Variants in WWOX observed in about 807,000 individuals in gnomAD.
The protein encoded by WWOX is WW domain containing oxidoreductase.
WWOX carries 69 observed loss-of-function variants against 46.2 expected under a neutral mutation model. That is an observed-to-expected ratio of 1.49 (90% CI 1.23 to 1.82). The LOEUF is 1.82. WWOX is among the 40% of genes most tolerant of loss of function. The pLI, the probability that WWOX is intolerant of heterozygous loss-of-function variation, is 0.00. For missense variants in WWOX, 919 were observed against 542.6 expected (o/e 1.69, Z -6.89); for synonymous variants, 359 against 202.6 (o/e 1.77, Z -6.56).
At chr16:78,416,102 CAAG>C (rs937892358) in intron 6 of WWOX, among the ~76,000 whole-genome samples, 11 of 152,122 alleles carry the variant, frequency 7.2e-5, no homozygotes, top group African/African-American at 2.4e-4. Context: ...AGAATCCACC[CAAG>C]AAGAAGAAAA....
chr16:78,423,314 AG>A (rs1490036001), intron 6 of WWOX, among the ~76,000 whole-genome samples: 2 of 152,112 alleles, frequency 1.3e-5, no homozygotes, highest in Non-Finnish European at 2.9e-5. Flanking sequence ...TAAGGTCGGT[AG>A]ATTTGTTTAT....
intron 8 of WWOX, among the ~76,000 whole-genome samples, chr16:78,907,067 G>A (rs1373062889): frequency 6.6e-6 from 1 of 152,112 alleles, no homozygotes; most frequent in African/African-American, 2.4e-5. Context: ...CCAGCTAAAC[G>A]GGAGACTGGA....
At chr16:78,843,141 A>C (rs144979778) in intron 8 of WWOX, among the ~76,000 whole-genome samples, 1 of 149,878 alleles carries the variant, frequency 6.7e-6, no homozygotes, top group Non-Finnish European at 1.5e-5. Flanking sequence ...AGTGCATTCA[A>C]TGGAGTGTGT....
chr16:78,114,855 G>T, intron 3 of WWOX, 121 bp from the exon 4 acceptor site: 3 of 1,286,098 alleles, frequency 2.3e-6, no homozygotes, highest in South Asian at 2.6e-5. Context: ...AGTTCTTTCA[G>T]GTTTAAGGAA....
intron 8 of WWOX, among the ~76,000 whole-genome samples, chr16:78,654,406 G>C (rs891806553): frequency 6.6e-6 from 1 of 152,180 alleles, no homozygotes; most frequent in African/African-American, 2.4e-5. Flanking sequence ...TAACTGCTGT[G>C]TACTATGCTC....
intron 8 of WWOX, among the ~76,000 whole-genome samples, chr16:79,137,263 C>T (rs1338563612): frequency 6.6e-6 from 1 of 152,172 alleles, no homozygotes; most frequent in Non-Finnish European, 1.5e-5. Context: ...CACCATGCTT[C>T]CTTTTAGAAG....
intron 8 of WWOX, among the ~76,000 whole-genome samples, chr16:78,760,812 T>G (rs1247807222): frequency 6.6e-6 from 1 of 152,188 alleles, no homozygotes; most frequent in African/African-American, 2.4e-5. Flanking sequence ...TACCCAAGAC[T>G]GTGCAATTTA....
intron 8 of WWOX, among the ~76,000 whole-genome samples, chr16:78,766,576 A>G (rs2049928973): frequency 6.6e-6 from 1 of 152,194 alleles, no homozygotes; most frequent in Non-Finnish European, 1.5e-5. Flanking sequence ...CGACAGAGGG[A>G]GAGCTTGTCT....
chr16:78,377,482 C>T (rs991791343), intron 5 of WWOX, among the ~76,000 whole-genome samples: 6 of 152,116 alleles, frequency 3.9e-5, no homozygotes, highest in East Asian at 1.9e-4. Context: ...AATGTAACCA[C>T]GCTTTACCTA....
chr16:79,190,472 C>G (rs969697884), intron 8 of WWOX, among the ~76,000 whole-genome samples: 1 of 152,302 alleles, frequency 6.6e-6, no homozygotes, highest in East Asian at 1.9e-4. Flanking sequence ...CCACAGAGGC[C>G]TTACCCCGCT....
intron 5 of WWOX, among the ~76,000 whole-genome samples, chr16:78,220,192 G>T (rs183347985): frequency 9.7e-4 from 148 of 152,274 alleles, no homozygotes; most frequent in Admixed American, 2.9e-3. Context: ...ATAGTTTCTT[G>T]AGTTGGAAAT....
At chr16:78,704,718 A>T (rs1458163844) in intron 8 of WWOX, among the ~76,000 whole-genome samples, 1 of 152,152 alleles carries the variant, frequency 6.6e-6, no homozygotes, top group Non-Finnish European at 1.5e-5. Context: ...CAGTTTTCCG[A>T]GCTGCTGGGT....
At chr16:78,722,360 A>G (rs1259313827) in intron 8 of WWOX, among the ~76,000 whole-genome samples, 2 of 152,202 alleles carry the variant, frequency 1.3e-5, no homozygotes, top group Non-Finnish European at 2.9e-5. Flanking sequence ...TGGAGATCGC[A>G]GTATCTAACT....
intron 5 of WWOX, among the ~76,000 whole-genome samples, chr16:78,186,199 A>G (rs964415799): frequency 5.3e-5 from 8 of 152,176 alleles, no homozygotes; most frequent in Non-Finnish European, 1.2e-4. Flanking sequence ...ACTAGGTTAA[A>G]TAAAATATCA....
chr16:78,810,188 C>T (rs1320543986), intron 8 of WWOX, among the ~76,000 whole-genome samples: 1 of 152,110 alleles, frequency 6.6e-6, no homozygotes, highest in African/African-American at 2.4e-5. Flanking sequence ...GTACCCCTTG[C>T]CTATACATTT....
chr16:78,138,143 G>C (rs2033864272), intron 4 of WWOX, among the ~76,000 whole-genome samples: 2 of 150,758 alleles, frequency 1.3e-5, no homozygotes, highest in South Asian at 2.1e-4. Flanking sequence ...TAGGACTGTA[G>C]AAGAGTCACA....
At chr16:78,100,243 AGTTTTGTTGT>A (rs1211444912) in intron 1 of WWOX, 2 of 1,125,294 alleles carry the variant, frequency 1.8e-6, no homozygotes, top group African/African-American at 3.4e-5. Context: ...CAGGGATAGG[AGTTTTGTTGT>A]GTTTTGTTTT....
At chr16:79,099,289 A>C (rs1306858504) in intron 8 of WWOX, among the ~76,000 whole-genome samples, 2 of 152,194 alleles carry the variant, frequency 1.3e-5, no homozygotes, top group African/African-American at 4.8e-5. Flanking sequence ...TTTGGTGGGG[A>C]CAGGCAAACC....
chr16:78,425,193 T>C, intron 7 of WWOX, 138 bp downstream of exon 7: 2 of 1,170,328 alleles, frequency 1.7e-6, no homozygotes, highest in South Asian at 2.7e-5. Flanking sequence ...CTCACTTAAT[T>C]TTTCCAGGTC....
Sources: allele counts gnomAD v4.1 joint callset (sites outside exome capture counted in the v4.1 genomes callset), GRCh38; gene constraint gnomAD v4.1.1; transcripts MANE v1.5; gene names NCBI Gene and HGNC (gene_info 2026-07-23, HGNC 2026-07-21).